SPOCK3: variants seen among roughly 807,000 people sequenced by gnomAD.
SPOCK3 encodes SPARC (osteonectin), cwcv and kazal like domains proteoglycan 3.
A neutral mutation model predicts 56.6 loss-of-function variants in SPOCK3; 30 were observed. The ratio of observed to expected loss-of-function variants is 0.53; its 90% CI spans 0.40 to 0.72. The LOEUF is 0.72. Among genes scored for constraint, SPOCK3 ranks in the 30% least tolerant of loss-of-function variants. The pLI, the probability that SPOCK3 is intolerant of heterozygous loss-of-function variation, is 0.00. For missense variants in SPOCK3, 527 were observed against 530.0 expected (o/e 0.99, Z 0.06); for synonymous variants, 196 against 183.3 (o/e 1.07, Z -0.56).
rs1332758033 is a variant in SPOCK3, at chr4:167,116,909, G to A, written c.190-54372C>T. On this transcript the variant is annotated intron_variant, in intron 2 of 10. Transcript: ENST00000357545. ...TATACATATATACTTTTGTGTGTGTGTGTGTATATATATATATATATATAC... is the reference window on the plus strand; with the variant it reads ...TATACATATATACTTTTGTGTGTGTATGTGTATATATATATATATATATAC... Among the ~76,000 whole-genome samples the A allele has an allele frequency of 1.9e-3, 234 of 123,500 alleles. 2 individuals are homozygous for A. The highest frequency in any genetic ancestry group is 5.9e-3 in the African/African-American group (210 of 35,596). 81.0% of individuals were successfully genotyped at this position (123,500 alleles called of 152,430 possible).
At chr4:167,187,735 ACTC>A (rs1339915629) in intron 2 of SPOCK3, among the ~76,000 whole-genome samples, 1 of 152,042 alleles carries the variant, frequency 6.6e-6, no homozygotes, top group Non-Finnish European at 1.5e-5. Flanking sequence ...AGAAAAATGA[ACTC>A]CTTTATTATC....
chr4:166,755,777 T>G (rs909019421), intron 7 of SPOCK3, among the ~76,000 whole-genome samples: 14 of 150,890 alleles, frequency 9.3e-5, no homozygotes, highest in African/African-American at 3.4e-4. Context: ...TAGCTAATTT[T>G]ATGTTCTAGT....
chr4:167,188,349 T>C (rs1220475958), intron 2 of SPOCK3, among the ~76,000 whole-genome samples: 1 of 145,344 alleles, frequency 6.9e-6, no homozygotes, highest in Non-Finnish European at 1.5e-5. Context: ...TTACAGAGCA[T>C]ACAAAAGAGG....
At chr4:167,149,291 T>C (rs907477532) in intron 2 of SPOCK3, among the ~76,000 whole-genome samples, 1 of 152,194 alleles carries the variant, frequency 6.6e-6, no homozygotes, top group Non-Finnish European at 1.5e-5. Flanking sequence ...ATAATCTTTG[T>C]TCTCATGCTG....
intron 5 of SPOCK3, among the ~76,000 whole-genome samples, chr4:166,896,249 C>A (rs559693961): frequency 2.7e-4 from 41 of 152,180 alleles, no homozygotes; most frequent in African/African-American, 8.9e-4. Flanking sequence ...CAAGGCAGCC[C>A]TGGAAGAAAC....
At chr4:167,173,258 T>C (rs1245317160) in intron 2 of SPOCK3, among the ~76,000 whole-genome samples, 1 of 152,166 alleles carries the variant, frequency 6.6e-6, no homozygotes, top group Non-Finnish European at 1.5e-5. Context: ...ATTTTTACTT[T>C]TCATTATTTT....
At chr4:166,813,623 A>C (rs1560886634) in intron 6 of SPOCK3, among the ~76,000 whole-genome samples, 2 of 152,064 alleles carry the variant, frequency 1.3e-5, no homozygotes, top group South Asian at 4.1e-4. Context: ...TAATATTGTA[A>C]AATATAATTA....
At chr4:167,003,759 C>G (rs1358736403) in intron 3 of SPOCK3, among the ~76,000 whole-genome samples, 1 of 152,166 alleles carries the variant, frequency 6.6e-6, no homozygotes, top group Non-Finnish European at 1.5e-5. Context: ...ACTTTCTGGT[C>G]AGTGTAAACT....
intron 4 of SPOCK3, among the ~76,000 whole-genome samples, chr4:166,995,736 G>A (rs923229996): frequency 6.6e-6 from 1 of 151,990 alleles, no homozygotes; most frequent in Non-Finnish European, 1.5e-5. Context: ...AAGGCATTTA[G>A]GAAAGAGTTT....
chr4:166,987,368 C>T (rs1193661273), intron 4 of SPOCK3, among the ~76,000 whole-genome samples: 1 of 152,174 alleles, frequency 6.6e-6, no homozygotes, highest in East Asian at 1.9e-4. Context: ...TCCTTAACTG[C>T]TCTGCCACCT....
At chr4:167,137,932 G>T (rs529813506) in intron 2 of SPOCK3, among the ~76,000 whole-genome samples, 2 of 151,564 alleles carry the variant, frequency 1.3e-5, no homozygotes, top group South Asian at 4.2e-4. Context: ...TCTCTATTAG[G>T]AGTAATAAAA....
At chr4:167,082,901 A>AAG (rs201543940) in intron 2 of SPOCK3, among the ~76,000 whole-genome samples, 26 of 149,658 alleles carry the variant, frequency 1.7e-4, no homozygotes, top group African/African-American at 5.6e-4. Context: ...GAGAGAGAGA[A>AAG]AGAGAGAGAG....
intron 6 of SPOCK3, among the ~76,000 whole-genome samples, chr4:166,857,001 G>A (rs1241199940): frequency 1.3e-5 from 2 of 152,072 alleles, no homozygotes; most frequent in Non-Finnish European, 2.9e-5. Flanking sequence ...TCCTACATCT[G>A]CTGCACTAAC....
At chr4:166,838,973 T>A (rs891761504) in intron 6 of SPOCK3, among the ~76,000 whole-genome samples, 4 of 150,950 alleles carry the variant, frequency 2.6e-5, no homozygotes, top group African/African-American at 9.7e-5. Flanking sequence ...AAAAAAAAAA[T>A]CTTTGTCATA....
At chr4:167,007,171 G>A (rs1451197205) in intron 3 of SPOCK3, among the ~76,000 whole-genome samples, 1 of 152,064 alleles carries the variant, frequency 6.6e-6, no homozygotes, top group East Asian at 1.9e-4. Flanking sequence ...CTGGCTTCTG[G>A]CTCTATTCTT....
chr4:166,863,711 G>A (rs1478295570), intron 6 of SPOCK3, among the ~76,000 whole-genome samples: 1 of 152,054 alleles, frequency 6.6e-6, no homozygotes, highest in Non-Finnish European at 1.5e-5. Flanking sequence ...ATGGTAAAGG[G>A]ATCAATGCAA....
At position 166,970,777 on chromosome 4, in the gene SPOCK3, G is replaced by A. The variant is rs891753393; in HGVS notation, c.350+29572C>T. Reference sequence around the variant, plus strand: ...GTAACACAGGACTTGATCACTTATAGTGTATCATAAAATTACAATTACAAA... The same window carrying A: ...GTAACACAGGACTTGATCACTTATAATGTATCATAAAATTACAATTACAAA... On this transcript the variant is annotated intron_variant, in intron 4 of 10. Coordinates refer to ENST00000357545, the MANE Select transcript of SPOCK3 (RefSeq NM_001040159.2). Among the ~76,000 whole-genome samples the A allele has an allele frequency of 4.0e-5, 6 of 151,286 alleles. No homozygotes were observed. The East Asian group carries it at 9.6e-4, about 24-fold the overall frequency.
chr4:167,115,986 G>C (rs1342777650), intron 2 of SPOCK3, among the ~76,000 whole-genome samples: 1 of 151,886 alleles, frequency 6.6e-6, no homozygotes, highest in Non-Finnish European at 1.5e-5. Flanking sequence ...TCAGGTAGGA[G>C]GATATGATAA....
At chr4:166,740,513 TATTATTATTATTATTATC>T (rs148408985) in intron 9 of SPOCK3, among the ~76,000 whole-genome samples, 24,863 of 107,894 alleles carry the variant, frequency 0.23, 2,296 homozygotes, top group African/African-American at 0.28. Flanking sequence ...TTATTATTAT[TATTATTATTATTATTATC>T]ATTATTATTT....
Sources: gnomAD v4.1 joint callset for allele counts (sites outside exome capture counted in the v4.1 genomes callset) on GRCh38, gnomAD v4.1.1 for gene constraint, MANE v1.5 for transcripts, NCBI Gene and HGNC (gene_info 2026-07-23, HGNC 2026-07-21) for gene names.